Variants in DCHS2 observed in about 807,000 individuals in gnomAD.
DCHS2 encodes the protein protocadherin-23.
DCHS2 carries 142 observed loss-of-function variants against 182.4 expected under a neutral mutation model. The ratio of observed to expected loss-of-function variants is 0.78; its 90% CI spans 0.68 to 0.89. The LOEUF (loss-of-function observed/expected upper bound fraction) is 0.89, where lower values mean the gene tolerates loss of function less well. Among genes scored for constraint, DCHS2 ranks in the 40% least tolerant of loss-of-function variants. The probability of loss-of-function intolerance (pLI) is 0.00; values close to 1 mark genes in which losing one functional copy is unlikely to be tolerated. For synonymous variants in DCHS2, 1,740 were observed against 1,663.3 expected, an observed-to-expected ratio of 1.05 and a Z score of -1.12; for missense variants, 4,319 against 4,198.6, an observed-to-expected ratio of 1.03 and a Z score of -0.79.
In DCHS2 at chr4:154,489,913, T is replaced by G. The variant is rs7656522; in HGVS notation, c.1443A>C (p.Leu481=). 1 of 1,537,296 alleles carries G rather than the reference T, an allele frequency of 6.5e-7. No individual in the cohort carries two copies. Among genetic ancestry groups the G allele is most frequent in the Non-Finnish European group, 8.8e-7 (1 of 1,138,250 alleles). Residue 481 remains leucine, a synonymous_variant, in exon 1 of 20, where the codon CTA becomes CTC. Transcript: ENST00000357232. The part of the protein sequence containing the change: ...LEGGEGDFAL[L]PGGPPGVFFL... The stretch of plus-strand genomic sequence containing the variant: ...AAAATACCCCTGGGGGGCCGCCGGG[T>G]AGCAACGCGAAGTCTCCCTCTCCGC...
In DCHS2 at chr4:154,256,483, G is replaced by C. The variant is rs78588523; in HGVS notation, c.6790-813C>G. Among the ~76,000 whole-genome samples, 885 of 152,156 alleles carry C rather than the reference G, an allele frequency of 5.8e-3. 10 individuals are homozygous for C. The highest frequency in any genetic ancestry group is 0.02 in the African/African-American group (847 of 41,504). On this transcript the variant is annotated intron_variant, in intron 15 of 19. Coordinates refer to ENST00000357232, the MANE Select transcript of DCHS2 (RefSeq NM_001358235.2). ...CATTAAACAAGTGAAACAAAACCTAGATTTAGTGCTAAGAAGTGTAGATCC... is the reference window on the plus strand; with the variant it reads ...CATTAAACAAGTGAAACAAAACCTACATTTAGTGCTAAGAAGTGTAGATCC...
At chr4:154,270,487 G>C (rs1337736886) in intron 13 of DCHS2, among the ~76,000 whole-genome samples, 1 of 151,848 alleles carries the variant, frequency 6.6e-6, no homozygotes, top group Non-Finnish European at 1.5e-5. Context: ...GGCTTGGTTG[G>C]GTAAAGCACA....
At chr4:154,266,068 C>T (rs998945550) in intron 14 of DCHS2, among the ~76,000 whole-genome samples, 4 of 152,114 alleles carry the variant, frequency 2.6e-5, no homozygotes, top group Non-Finnish European at 5.9e-5. Flanking sequence ...TGCAAAATAT[C>T]GTATTGTACT....
chr4:154,386,686 C>T (rs1275793127), intron 1 of DCHS2, among the ~76,000 whole-genome samples: 3 of 152,124 alleles, frequency 2.0e-5, no homozygotes, highest in African/African-American at 7.2e-5. Context: ...AGCACTGGTG[C>T]CTAGTTCATA....
intron 1 of DCHS2, among the ~76,000 whole-genome samples, chr4:154,414,162 TAAATC>T (rs1732736674): frequency 1.3e-5 from 2 of 149,148 alleles, no homozygotes; most frequent in African/African-American, 5.0e-5. Context: ...CTTGAAGAAA[TAAATC>T]AAATAAATCA....
At chr4:154,367,265 T>C (rs1461932433) in intron 2 of DCHS2, among the ~76,000 whole-genome samples, 1 of 152,080 alleles carries the variant, frequency 6.6e-6, no homozygotes, top group Admixed American at 6.5e-5. Context: ...CTGCTCTAGC[T>C]GCAGTGTTCA....
intron 1 of DCHS2, among the ~76,000 whole-genome samples, chr4:154,456,474 C>G (rs1734772811): frequency 6.6e-6 from 1 of 152,156 alleles, no homozygotes; most frequent in African/African-American, 2.4e-5. Flanking sequence ...GATGCTAATG[C>G]AGATATGACA....
intron 3 of DCHS2, among the ~76,000 whole-genome samples, chr4:154,351,220 T>G (rs1346852642): frequency 6.6e-6 from 1 of 152,180 alleles, no homozygotes; most frequent in African/African-American, 2.4e-5. Context: ...CAATAAAGTA[T>G]GTACCAAAAG....
At chr4:154,404,956 T>C (rs1044211441) in intron 1 of DCHS2, among the ~76,000 whole-genome samples, 2 of 152,116 alleles carry the variant, frequency 1.3e-5, no homozygotes, top group African/African-American at 4.8e-5. Flanking sequence ...CTTTAAACAT[T>C]TTCTCTTGGC....
intron 5 of DCHS2, among the ~76,000 whole-genome samples, chr4:154,329,915 C>G (rs1438639049): frequency 6.6e-6 from 1 of 152,166 alleles, no homozygotes; most frequent in South Asian, 2.1e-4. Flanking sequence ...ATTTGTTATT[C>G]TTTGTATTTC....
At chr4:154,427,766 C>T (rs1186318582) in intron 1 of DCHS2, among the ~76,000 whole-genome samples, 2 of 152,164 alleles carry the variant, frequency 1.3e-5, no homozygotes, top group Non-Finnish European at 2.9e-5. Context: ...GGTCTGAAGA[C>T]TCCTTCTACC....
At position 154,323,085 on chromosome 4, in the gene DCHS2, C is replaced by T. The variant is rs563686540; in HGVS notation, c.4019-597G>A. 2.8e-6 allele frequency: 3 copies of T among 1,090,306 alleles called. No homozygotes were observed. In the South Asian group the frequency reaches 5.7e-5, roughly 21 times the overall value. 67.5% of individuals were successfully genotyped at this position (1,090,306 alleles called of 1,614,324 possible). A position where few individuals can be genotyped will look rare whatever the true frequency, so the allele number is the denominator to read the frequency against. ...CCTGCCACCCATCTCTCTATTTGTC[C>T]TTGCAATTTATTTGTTGAATAAACT... On this transcript the variant is annotated intron_variant, in intron 7 of 19. Coordinates refer to ENST00000357232, the MANE Select transcript of DCHS2 (RefSeq NM_001358235.2).
intron 1 of DCHS2, among the ~76,000 whole-genome samples, chr4:154,438,036 T>C (rs1733853062): frequency 6.6e-6 from 1 of 151,988 alleles, no homozygotes; most frequent in African/African-American, 2.4e-5. Context: ...TAAAAATAAA[T>C]AAATGAAATT....
chr4:154,460,896 T>C lies in DCHS2; in HGVS notation c.2052+28408A>G, dbSNP rs147896117. 8.2e-4 allele frequency among the ~76,000 whole-genome samples: 125 copies of C among 152,256 alleles called. 1 individual carries two copies. The highest frequency in any genetic ancestry group is 6.8e-3 in the Middle Eastern group (2 of 294). On this transcript the variant is annotated intron_variant, in intron 1 of 19. Transcript: ENST00000357232. ...AGCAGGGTAAAATATCTACAGAACA[T>C]GTAAAAACCCTATTTTCAGCCTCCA...
intron 1 of DCHS2, among the ~76,000 whole-genome samples, chr4:154,446,694 A>G (rs1734298257): frequency 6.6e-6 from 1 of 152,164 alleles, no homozygotes; most frequent in African/African-American, 2.4e-5. Flanking sequence ...ATGACATTAC[A>G]TGATGGGACC....
At chr4:154,342,361 T>G (rs1334300972) in intron 3 of DCHS2, among the ~76,000 whole-genome samples, 5 of 152,184 alleles carry the variant, frequency 3.3e-5, no homozygotes, top group Non-Finnish European at 5.9e-5. Flanking sequence ...TTTCTTAAAA[T>G]AAGACAACAA....
chr4:154,490,725 C>T lies in DCHS2; in HGVS notation c.631G>A (p.Asp211Asn), dbSNP rs1728791821. The stretch of plus-strand genomic sequence containing the variant: ...GGGCCTGCGGGGTCCTTGGGCAGGT[C>T]GGACGGTTGCACCAGGGTGTAGCCC... ...TQGYTLVQPS[D>N]LPKDPAGPFF... The change falls in exon 1 of 20, where the codon GAC (aspartate) becomes AAC (asparagine). Residue 211 changes from aspartate (D) to asparagine (N), a missense_variant. By Grantham distance (23) the Asp-to-Asn change is conservative. Coordinates refer to ENST00000357232, the MANE Select transcript of DCHS2 (RefSeq NM_001358235.2). 2 of 1,551,608 alleles carry T rather than the reference C, an allele frequency of 1.3e-6. No homozygotes were observed. Among genetic ancestry groups the T allele is most frequent in the South Asian group, 1.2e-5 (1 of 84,060 alleles).
intron 1 of DCHS2, among the ~76,000 whole-genome samples, chr4:154,456,808 A>G (rs2110988323): frequency 6.6e-6 from 1 of 152,306 alleles, no homozygotes; most frequent in South Asian, 2.1e-4. Context: ...GGGTTTGCAG[A>G]GGACTTTTTT....
In DCHS2 at chr4:154,358,331, G is replaced by A. The variant is rs555681314; in HGVS notation, c.2476+7879C>T. 2.4e-4 allele frequency among the ~76,000 whole-genome samples: 36 copies of A among 152,170 alleles called. 1 individual carries two copies. In the South Asian group the frequency reaches 7.5e-3, roughly 32 times the overall value. On this transcript the variant is annotated intron_variant, in intron 3 of 19. Coordinates refer to ENST00000357232, the MANE Select transcript of DCHS2 (RefSeq NM_001358235.2). ...CTTATTTATGCTCTCTTGCCTGACT[G>A]TTTTAGATTTTCCAGCATTGTCTTT... is the stretch of plus-strand genomic sequence containing the variant.
Sources: allele counts gnomAD v4.1 joint callset (sites outside exome capture counted in the v4.1 genomes callset), GRCh38; gene constraint gnomAD v4.1.1; transcripts MANE v1.5; gene names NCBI Gene and HGNC (gene_info 2026-07-23, HGNC 2026-07-21).